The following MEAK7 variants were observed in gnomAD, a reference collection of about 807,000 sequenced individuals.
MEAK7 encodes MTOR associated protein MEAK7.
MEAK7 carries 68 observed loss-of-function variants against 40.5 expected under a neutral mutation model. The ratio of observed to expected loss-of-function variants is 1.68; its 90% confidence interval spans 1.38 to 2.06. The LOEUF (loss-of-function observed/expected upper bound fraction) is 2.06, where lower values mean the gene tolerates loss of function less well. Ranked by LOEUF, MEAK7 falls within the 30% of genes most tolerant of loss-of-function variation. MEAK7 has a pLI of 0.00. For synonymous variants in MEAK7, 338 were observed against 231.9 expected (o/e 1.46, Z -4.16); for missense variants, 918 against 580.5 (o/e 1.58, Z -5.98).
intron 1 of MEAK7, among the ~76,000 whole-genome samples, chr16:84,503,222 T>C (rs910048248): frequency 2.0e-5 from 3 of 152,040 alleles, no homozygotes; most frequent in Non-Finnish European, 4.4e-5. Flanking sequence ...AAAAATCTCA[T>C]GTTTTAAGAA....
intron 3 of MEAK7, among the ~76,000 whole-genome samples, chr16:84,493,893 G>A (rs1913831179): frequency 6.6e-6 from 1 of 152,160 alleles, no homozygotes; most frequent in Middle Eastern, 3.2e-3. Flanking sequence ...TGATCTGTAA[G>A]TAAAGGATGT....
chr16:84,497,909 A>G (rs1333240005), intron 2 of MEAK7, 25 bp downstream of exon 2: 2 of 1,614,140 alleles, frequency 1.2e-6, no homozygotes, highest in East Asian at 2.2e-5. Context: ...CCAACTAAAC[A>G]TGAACCACGG....
chr16:84,497,337 C>T, intron 2 of MEAK7: 1 of 1,129,062 alleles, frequency 8.9e-7, no homozygotes, highest in Non-Finnish European at 1.1e-6. Flanking sequence ...GCAGTTTTAA[C>T]TCCCTGCAAG....
At chr16:84,481,253 G>C (rs1003583313) in intron 6 of MEAK7, among the ~76,000 whole-genome samples, 5 of 152,194 alleles carry the variant, frequency 3.3e-5, no homozygotes, top group Non-Finnish European at 7.3e-5. Context: ...CACATGGCTG[G>C]GCTCTGAGCT....
At chr16:84,502,184 C>T (rs692081) in intron 1 of MEAK7, among the ~76,000 whole-genome samples, 1 of 151,696 alleles carries the variant, frequency 6.6e-6, no homozygotes, top group African/African-American at 2.4e-5. Context: ...CTGGTGCTGA[C>T]AGCGCACATC....
intron 3 of MEAK7, among the ~76,000 whole-genome samples, chr16:84,495,263 C>T (rs938880894): frequency 2.0e-5 from 3 of 152,110 alleles, no homozygotes; most frequent in African/African-American, 7.2e-5. Context: ...ATCAAGACTC[C>T]ATTTCAAAAA....
intron 1 of MEAK7, among the ~76,000 whole-genome samples, chr16:84,503,630 C>G (rs1225072916): frequency 6.6e-6 from 1 of 152,148 alleles, no homozygotes. Context: ...GGCATTTGAT[C>G]TGCTTACTGG....
intron 2 of MEAK7, among the ~76,000 whole-genome samples, chr16:84,496,494 C>A (rs1914060181): frequency 6.6e-6 from 1 of 152,166 alleles, no homozygotes; most frequent in Admixed American, 6.5e-5. Flanking sequence ...ACTCTCCGCT[C>A]CTTAAAGCCA....
rs138586449 is a variant in MEAK7, at chr16:84,491,944, T to G, written c.385-2522A>C. ...ATTGTTTTTAAAGTCCTTTTGCTGT[T>G]AAGTTACAGGGCTGTGATTCCTAGG... is the stretch of plus-strand genomic sequence containing the variant. On this transcript the variant is annotated intron_variant, in intron 3 of 7. Coordinates refer to ENST00000343629, the MANE Select transcript of MEAK7 (RefSeq NM_020947.4). Among the ~76,000 whole-genome samples the G allele has an allele frequency of 2.2e-3, 337 of 152,330 alleles. 1 individual carries two copies. The highest frequency in any genetic ancestry group is 7.7e-3 in the African/African-American group (319 of 41,570).
intron 7 of MEAK7, 51 bp downstream of exon 7, chr16:84,480,478 G>A: frequency 6.6e-7 from 1 of 1,518,128 alleles, no homozygotes; most frequent in Non-Finnish European, 8.8e-7. Flanking sequence ...ATGCAGAAAG[G>A]CCCCCAGGCT....
rs529964262 is a variant in MEAK7 at position 84,482,259 on chromosome 16, G to A, written c.1077+333C>T. ...ACTCCCACGTATGAGGCAGGCCAGC[G>A]ACGCGCAGGGACAGGTCTGGCGCTG... On this transcript the variant is annotated intron_variant, in intron 6 of 7. Coordinates refer to ENST00000343629, the MANE Select transcript of MEAK7 (RefSeq NM_020947.4). Among the ~76,000 whole-genome samples the A allele has an allele frequency of 7.0e-4, 106 of 152,338 alleles. 1 individual carries two copies. Among genetic ancestry groups the A allele is most frequent in the African/African-American group, 2.4e-3 (101 of 41,570 alleles).
chr16:84,486,717 G>T lies in MEAK7; in HGVS notation c.872C>A (p.Pro291His), dbSNP rs1913095282. 6.2e-7 allele frequency: 1 copy of T among 1,614,000 alleles called. No homozygotes were observed. Among genetic ancestry groups the T allele is most frequent in the Non-Finnish European group, 8.5e-7 (1 of 1,179,886 alleles). The change falls in exon 5 of 8, where the codon CCC (proline) becomes CAC (histidine). Residue 291 changes from proline (P) to histidine (H), a missense_variant. Pro to His is a moderately conservative substitution (Grantham distance 77). Coordinates refer to ENST00000343629, the MANE Select transcript of MEAK7 (RefSeq NM_020947.4). ...ATGGTCCTCGAGGACAGCCACACAG[G>T]GTCCCCGGTGAGTGATGTGGCCACA... ...QLCGHITHRG[P>H]CVAVLEDHDK...
intron 3 of MEAK7, among the ~76,000 whole-genome samples, chr16:84,492,583 T>TTATTTATTTATTTATC (rs1555513778): frequency 1.3e-5 from 2 of 151,362 alleles, no homozygotes; most frequent in Non-Finnish European, 2.9e-5. Context: ...ATTTATTTAT[T>TTATTTATTTATTTATC]TATTTATTTA....
At chr16:84,498,390 T>G (rs1465598292) in intron 1 of MEAK7, among the ~76,000 whole-genome samples, 1 of 151,750 alleles carries the variant, frequency 6.6e-6, no homozygotes, top group African/African-American at 2.4e-5. Flanking sequence ...CCACTCAGCC[T>G]CCTGAGTAGC....
chr16:84,492,917 A>G lies in MEAK7; in HGVS notation c.384+2766T>C, dbSNP rs550710418. Among the ~76,000 whole-genome samples the G allele has an allele frequency of 6.7e-4, 102 of 152,300 alleles. 1 individual carries two copies. Among genetic ancestry groups the G allele is most frequent in the Middle Eastern group, 6.8e-3 (2 of 294 alleles). On this transcript the variant is annotated intron_variant, in intron 3 of 7. Coordinates refer to ENST00000343629, the MANE Select transcript of MEAK7 (RefSeq NM_020947.4). ...GTTTTAAACTTCTGATATTTGACAA[A>G]CTTTCCAGAATCAAATTCAAAATTC...
intron 4 of MEAK7, among the ~76,000 whole-genome samples, chr16:84,488,774 T>G (rs571996385): frequency 1.3e-5 from 2 of 152,174 alleles, no homozygotes; most frequent in Non-Finnish European, 2.9e-5. Context: ...TCAAAACTTA[T>G]GGCATGCAGC....
intron 5 of MEAK7, among the ~76,000 whole-genome samples, chr16:84,483,300 G>A (rs957380915): frequency 1.4e-4 from 22 of 152,220 alleles, no homozygotes; most frequent in Admixed American, 4.6e-4. Flanking sequence ...GAAACTATGG[G>A]TCCCCAGTCT....
chr16:84,487,982 C>T (rs1285574880), intron 4 of MEAK7: 1 of 152,204 alleles, frequency 6.6e-6, no homozygotes, highest in African/African-American at 2.4e-5. Context: ...GAAAATTTGA[C>T]TAAGCTGAAA....
chr16:84,502,410 G>C (rs899149469), intron 1 of MEAK7, among the ~76,000 whole-genome samples: 4 of 152,120 alleles, frequency 2.6e-5, no homozygotes, highest in African/African-American at 9.7e-5. Context: ...AGGGCTGAAG[G>C]TGAGAAAACC....
Sources: allele counts gnomAD v4.1 joint callset (sites outside exome capture counted in the v4.1 genomes callset), GRCh38; gene constraint gnomAD v4.1.1; transcripts MANE v1.5; gene names NCBI Gene and HGNC (gene_info 2026-07-23, HGNC 2026-07-21).